UBE2O: variants seen among roughly 807,000 people sequenced by gnomAD.
UBE2O encodes the protein ubiquitin conjugating enzyme E2 O.
In UBE2O, 15 loss-of-function variants were observed where a neutral mutation model predicts 125.8. The ratio of observed to expected loss-of-function variants is 0.12; its 90% confidence interval spans 0.08 to 0.18. UBE2O has a LOEUF of 0.18. Ranked by LOEUF, UBE2O falls within the 10% of genes least tolerant of loss-of-function variation. The pLI, the probability that UBE2O is intolerant of heterozygous loss-of-function variation, is 1.00. For missense variants in UBE2O, 1,280 were observed against 1,723.6 expected, an observed-to-expected ratio of 0.74 and a Z score of 4.56; for synonymous variants, 708 against 703.2, an observed-to-expected ratio of 1.01 and a Z score of -0.11.
intron 1 of UBE2O, among the ~76,000 whole-genome samples, chr17:76,448,202 A>G (rs2073181105): frequency 6.6e-6 from 1 of 152,186 alleles, no homozygotes; most frequent in Admixed American, 6.6e-5. Context: ...TAGAAGGGGA[A>G]AAATCAAGGG....
chr17:76,409,672 G>GC (rs1415133873), intron 1 of UBE2O, among the ~76,000 whole-genome samples: 1 of 152,208 alleles, frequency 6.6e-6, no homozygotes, highest in African/African-American at 2.4e-5. Flanking sequence ...GGGATTACAG[G>GC]CGTGAGCCAC....
chr17:76,449,143 A>T (rs1309407339), intron 1 of UBE2O, among the ~76,000 whole-genome samples: 1 of 152,270 alleles, frequency 6.6e-6, no homozygotes, highest in Non-Finnish European at 1.5e-5. Context: ...CAGTCTCTTC[A>T]TCTCTCTTTG....
intron 1 of UBE2O, among the ~76,000 whole-genome samples, chr17:76,445,356 C>A (rs1378409313): frequency 1.3e-5 from 2 of 152,062 alleles, no homozygotes; most frequent in African/African-American, 4.8e-5. Flanking sequence ...ATGTCTTACT[C>A]CTTTGACTTA....
chr17:76,425,225 CAAAAAAAAAAA>C (rs58377572), intron 1 of UBE2O, among the ~76,000 whole-genome samples: 11 of 95,078 alleles, frequency 1.2e-4, no homozygotes, highest in Non-Finnish European at 1.4e-4. Flanking sequence ...GTCCTTTCGA[CAAAAAAAAAAA>C]AAAAAAAAAA....
rs560371330 is a variant in UBE2O, at chr17:76,449,756, T to C, written c.417+2969A>G. Among the ~76,000 whole-genome samples the C allele has an allele frequency of 8.0e-5, 12 of 150,836 alleles. No individual in the cohort carries two copies. In the East Asian group the frequency reaches 2.2e-3, roughly 27 times the overall value. On this transcript the variant is annotated intron_variant, in intron 1 of 17. Transcript: ENST00000319380. ...CACCACGGAGAAACCCCGTCTCCAC[T>C]AAAAATACAAAAAATTAGCCGGGCG...
intron 1 of UBE2O, among the ~76,000 whole-genome samples, chr17:76,426,024 G>A (rs544000868): frequency 1.3e-5 from 2 of 152,254 alleles, no homozygotes; most frequent in Admixed American, 6.5e-5. Context: ...ATGCCTAAAA[G>A]GAGGGTCTCA....
intron 1 of UBE2O, among the ~76,000 whole-genome samples, chr17:76,447,794 T>C (rs990321390): frequency 6.6e-6 from 1 of 152,146 alleles, no homozygotes; most frequent in Admixed American, 6.5e-5. Context: ...CGTGCACCTT[T>C]TGCTTCCCAA....
At chr17:76,417,417 C>T (rs2072634116) in intron 1 of UBE2O, among the ~76,000 whole-genome samples, 1 of 152,230 alleles carries the variant, frequency 6.6e-6, no homozygotes, top group South Asian at 2.1e-4. Flanking sequence ...TGTATGGGCA[C>T]ATCAGGATTT....
chr17:76,415,567 G>A (rs552772803), intron 1 of UBE2O, among the ~76,000 whole-genome samples: 3 of 152,324 alleles, frequency 2.0e-5, no homozygotes, highest in Admixed American at 2.0e-4. Context: ...CACTTTGAGA[G>A]GGCAAGGCGG....
Position 76,390,667 on chromosome 17 carries a change from G to A in UBE2O, c.*276C>T, listed in dbSNP as rs1358271796. 2.0e-5 allele frequency: 7 copies of A among 351,380 alleles called. No individual in the cohort carries two copies. Among genetic ancestry groups the A allele is most frequent in the Admixed American group, 4.5e-5 (1 of 22,416 alleles). The allele number at this position is 351,380 out of a possible 1,614,324, so 21.8% of individuals were successfully genotyped here. A position where few individuals can be genotyped will look rare whatever the true frequency, so the allele number is the denominator to read the frequency against. On this transcript the variant is annotated 3_prime_UTR_variant, in exon 18 of 18. Transcript: ENST00000319380. The stretch of plus-strand genomic sequence containing the variant: ...AAGGGGCAGCAAGGGAGCAAGTGCC[G>A]GACATTCTGCTGGGGTGACAAATGG...
At chr17:76,406,160 C>CAG (rs2072413207) in intron 1 of UBE2O, among the ~76,000 whole-genome samples, 1 of 152,244 alleles carries the variant, frequency 6.6e-6, no homozygotes, top group African/African-American at 2.4e-5. Context: ...AAGTAACCCT[C>CAG]AGGATGGTTG....
At position 76,431,486 on chromosome 17, in the gene UBE2O, C is replaced by T. The variant is rs111743827; in HGVS notation, c.417+21239G>A. Among the ~76,000 whole-genome samples, 996 of 152,226 alleles carry T rather than the reference C, an allele frequency of 6.5e-3. 12 individuals are homozygous for T. The highest frequency in any genetic ancestry group is 0.022 in the African/African-American group (926 of 41,534). On this transcript the variant is annotated intron_variant, in intron 1 of 17. Transcript: ENST00000319380. ...AGCCGAGATCGCACTCCAGCCTGGG[C>T]GACAGGGTGCTCTGTCTCAAAAAAA...
chr17:76,402,577 T>A lies in UBE2O; in HGVS notation c.686+25A>T. 1 of 1,602,850 alleles carries A rather than the reference T, an allele frequency of 6.2e-7. No homozygotes were observed. Among genetic ancestry groups the A allele is most frequent in the Non-Finnish European group, 8.5e-7 (1 of 1,169,784 alleles). The stretch of plus-strand genomic sequence containing the variant: ...CAAGAGGCTATCCTTCCCAAGCCGA[T>A]GGCTCTCTGGTGGTGAGACTCTACC... On this transcript the variant is annotated intron_variant, in intron 4 of 17. Coordinates refer to ENST00000319380, the MANE Select transcript of UBE2O (RefSeq NM_022066.4). This position sits in a 1 kb window ranked among gnomAD's most constrained non-coding sequence, Gnocchi z 5.4.
Position 76,398,287 on chromosome 17 carries a change from T to C in UBE2O, c.1993A>G (p.Thr665Ala), listed in dbSNP as rs778898637. The C allele has an allele frequency of 3.7e-6, 6 of 1,614,160 alleles. No homozygotes were observed. In the South Asian group the frequency reaches 5.5e-5, roughly 15 times the overall value. The change falls in exon 12 of 18, where the codon ACT (threonine) becomes GCT (alanine). Residue 665 changes from threonine to alanine, a missense_variant. Physicochemically the swap from Thr to Ala is moderately conservative, Grantham distance 58 (BLOSUM62 0). This residue lies in a region of UBE2O where 210 missense variants were observed against 268.9 expected (regional missense o/e 0.78). Transcript: ENST00000319380. The surrounding 1 kb of genome is among the most constrained non-coding windows in gnomAD (Gnocchi z 5.4). ...TCCTTGTGAGGAGCCCCATCCTCAG[T>C]ATTGCCGATGCGGATGACGATGTCA... is the stretch of plus-strand genomic sequence containing the variant. ...TTDIVIRIGN[T>A]EDGAPHKEDE... is the part of the protein sequence containing the mutation.
intron 1 of UBE2O, among the ~76,000 whole-genome samples, chr17:76,421,897 A>G (rs1329250297): frequency 1.3e-5 from 2 of 152,198 alleles, no homozygotes; most frequent in African/African-American, 4.8e-5. Context: ...TCTGGAAAAG[A>G]CAAGATGACG....
intron 1 of UBE2O, among the ~76,000 whole-genome samples, chr17:76,421,311 G>C (rs912560675): frequency 3.3e-5 from 5 of 152,102 alleles, no homozygotes; most frequent in African/African-American, 1.2e-4. Context: ...TGAAACACTG[G>C]AGTCACCCAC....
chr17:76,405,989 G>C lies in UBE2O; in HGVS notation c.418-417C>G, dbSNP rs1289077808. Among the ~76,000 whole-genome samples the C allele has an allele frequency of 6.6e-6, 1 of 152,246 alleles. No homozygotes were observed. Among genetic ancestry groups the C allele is most frequent in the East Asian group, 1.9e-4 (1 of 5,200 alleles). ...TGCAAGTGCCTGCCCTAGCTGATCA[G>C]TGCTGAGGGAGAGTGGGCTGGGGGA... is the stretch of plus-strand genomic sequence containing the variant. On this transcript the variant is annotated intron_variant, in intron 1 of 17. Transcript: ENST00000319380. The surrounding 1 kb of genome is among the most constrained non-coding windows in gnomAD (Gnocchi z 6.1).
chr17:76,428,888 G>A (rs2072856452), intron 1 of UBE2O, among the ~76,000 whole-genome samples: 2 of 151,826 alleles, frequency 1.3e-5, no homozygotes, highest in Admixed American at 1.3e-4. Flanking sequence ...AAGGGTAGAG[G>A]GGACCCCTCT....
At chr17:76,419,123 A>ATTT (rs10647924) in intron 1 of UBE2O, among the ~76,000 whole-genome samples, 124,402 of 145,558 alleles carry the variant, frequency 0.85, 53,317 homozygotes, top group East Asian at 1. Context: ...ATCTCTACAG[A>ATTT]TTTTTTTTTT....
Sources: allele counts gnomAD v4.1 joint callset (sites outside exome capture counted in the v4.1 genomes callset), GRCh38; gene constraint gnomAD v4.1.1; regional missense constraint gnomAD v4.1.1; non-coding constraint Gnocchi (gnomAD v3.1); transcripts MANE v1.5; gene names NCBI Gene and HGNC (gene_info 2026-07-23, HGNC 2026-07-21).